The following FRS2 variants were observed in gnomAD, a reference collection of about 807,000 sequenced individuals.
FRS2 encodes fibroblast growth factor receptor substrate 2.
A neutral mutation model predicts 43.9 loss-of-function variants in FRS2; 8 were observed. The observed-to-expected ratio is 0.18, with a 90% confidence interval of 0.11 to 0.33. The LOEUF is 0.33. FRS2 is among the 10% of genes least tolerant of loss of function. The probability of loss-of-function intolerance (pLI) is 1.00; values close to 1 mark genes in which losing one functional copy is unlikely to be tolerated. For missense variants in FRS2, 534 were observed against 627.6 expected, an observed-to-expected ratio of 0.85 and a Z score of 1.59; for synonymous variants, 219 against 220.3, an observed-to-expected ratio of 0.99 and a Z score of 0.05.
intron 4 of FRS2, among the ~76,000 whole-genome samples, chr12:69,565,759 G>A (rs950891629): frequency 5.9e-5 from 9 of 152,090 alleles, no homozygotes; most frequent in African/African-American, 2.2e-4. Flanking sequence ...TGTCATCTAG[G>A]AAAACTGCAC....
intron 1 of FRS2, among the ~76,000 whole-genome samples, chr12:69,506,570 C>A (rs1159674654): frequency 6.6e-6 from 1 of 151,870 alleles, no homozygotes; most frequent in African/African-American, 2.4e-5. Flanking sequence ...TCCCTAATAT[C>A]CCTTATCTTT....
At chr12:69,535,896 C>T (rs1226270315) in intron 3 of FRS2, among the ~76,000 whole-genome samples, 1 of 151,840 alleles carries the variant, frequency 6.6e-6, no homozygotes, top group Non-Finnish European at 1.5e-5. Context: ...CTATTAAGTA[C>T]ATTAATAATA....
At chr12:69,536,133 TTTTTTTTTGG>T (rs1877274942) in intron 3 of FRS2, among the ~76,000 whole-genome samples, 1 of 42,038 alleles carries the variant, frequency 2.4e-5, no homozygotes. Context: ...TTTTTTTTTT[TTTTTTTTTGG>T]AGACGAAGTC....
intron 1 of FRS2, among the ~76,000 whole-genome samples, chr12:69,514,821 G>A (rs1335956774): frequency 1.9e-5 from 2 of 107,452 alleles, no homozygotes; most frequent in Admixed American, 9.2e-5. Flanking sequence ...AACAGAGTGG[G>A]ACTGTGTCTC....
intron 1 of FRS2, among the ~76,000 whole-genome samples, chr12:69,525,809 A>C (rs901150667): frequency 1.3e-5 from 2 of 151,568 alleles, no homozygotes; most frequent in African/African-American, 4.9e-5. Flanking sequence ...AATATTTAGA[A>C]GACTAGCATA....
At chr12:69,529,713 A>G (rs531154073) in intron 1 of FRS2, among the ~76,000 whole-genome samples, 2 of 152,304 alleles carry the variant, frequency 1.3e-5, no homozygotes, top group South Asian at 4.1e-4. Flanking sequence ...TAATCATTTC[A>G]GTAAATCCTT....
rs559078490 is a variant in FRS2 at position 69,565,956 on chromosome 12, A to T, written c.-26-3049A>T. On this transcript the variant is annotated intron_variant, in intron 4 of 8. Transcript: ENST00000549921. ...TACTATACATAATTGAATGTGCTAT[A>T]GTTTTATACACTGGCAGTGCAGTAG... Among the ~76,000 whole-genome samples, 5 of 150,744 alleles carry T rather than the reference A, an allele frequency of 3.3e-5. No homozygotes were observed. The East Asian group carries it at 9.7e-4, about 29-fold the overall frequency.
At chr12:69,554,992 A>C (rs1879213588) in intron 3 of FRS2, among the ~76,000 whole-genome samples, 1 of 151,586 alleles carries the variant, frequency 6.6e-6, no homozygotes, top group African/African-American at 2.4e-5. Context: ...TGTAGGTGTG[A>C]ACCACGTGCT....
intron 7 of FRS2, 89 bp from the exon 8 acceptor site, chr12:69,572,029 T>C: frequency 1.1e-6 from 1 of 925,088 alleles, no homozygotes; most frequent in Non-Finnish European, 1.7e-6. Context: ...AAAGACCTCC[T>C]ATAATCCTCA....
Position 69,549,836 on chromosome 12 carries a change from C to G in FRS2, c.-121-12344C>G, listed in dbSNP as rs1878720373. On this transcript the variant is annotated intron_variant, in intron 3 of 8. Transcript: ENST00000549921. Reference sequence around the variant, plus strand: ...TCCCATCTCACCTTGCCTCAGTCTTCCCCTAGGCTTCTGTGATACCACACT... The same window carrying G: ...TCCCATCTCACCTTGCCTCAGTCTTGCCCTAGGCTTCTGTGATACCACACT... Among the ~76,000 whole-genome samples, 8 of 152,346 alleles carry G rather than the reference C, an allele frequency of 5.3e-5. No individual in the cohort carries two copies. In the South Asian group the frequency reaches 1.7e-3, roughly 32 times the overall value.
intron 1 of FRS2, among the ~76,000 whole-genome samples, chr12:69,479,472 A>G (rs1592909042): frequency 6.9e-6 from 1 of 144,690 alleles, no homozygotes; most frequent in Non-Finnish European, 1.5e-5. Flanking sequence ...ATCTCAGCTC[A>G]CTGCAGCCTC....
intron 3 of FRS2, among the ~76,000 whole-genome samples, chr12:69,543,956 G>A (rs955280663): frequency 9.9e-5 from 15 of 152,054 alleles, no homozygotes; most frequent in African/African-American, 3.6e-4. Flanking sequence ...CAGAGGAATA[G>A]GGGGAGCCAT....
In FRS2 at chr12:69,546,289, G is replaced by A. The variant is rs144795511; in HGVS notation, c.-122+14233G>A. 1.1e-3 allele frequency among the ~76,000 whole-genome samples: 172 copies of A among 151,886 alleles called. 1 individual carries two copies. Among genetic ancestry groups the A allele is most frequent in the African/African-American group, 3.3e-3 (135 of 41,430 alleles). On this transcript the variant is annotated intron_variant, in intron 3 of 8. Coordinates refer to ENST00000549921, the MANE Select transcript of FRS2 (RefSeq NM_001278356.2). ...CTTTTTTTTTTGGAGACAGAGTCTC[G>A]CTGTATTGCTCAGGCTGGAGCGCAG... is the stretch of plus-strand genomic sequence containing the variant.
chr12:69,557,703 G>A (rs1272793024), intron 3 of FRS2: 1 of 151,542 alleles, frequency 6.6e-6, no homozygotes, highest in African/African-American at 2.4e-5. Context: ...CTAAGACAGA[G>A]TGACTCATCT....
intron 1 of FRS2, among the ~76,000 whole-genome samples, chr12:69,496,641 A>G (rs1440754626): frequency 6.6e-6 from 1 of 152,240 alleles, no homozygotes; most frequent in South Asian, 2.1e-4. Flanking sequence ...ATAATAGTGT[A>G]TAACAATTCT....
chr12:69,507,653 G>A lies in FRS2; in HGVS notation c.-260-23212G>A, dbSNP rs146670461. Among the ~76,000 whole-genome samples the A allele has an allele frequency of 2.5e-4, 38 of 152,244 alleles. No homozygotes were observed. The East Asian group carries it at 6.4e-3, about 26-fold the overall frequency. The stretch of plus-strand genomic sequence containing the variant: ...TAAGCATTTTCCTTTTCTGGATGAG[G>A]TTCTTGGTTTTGACTGTGTAGAAGT... On this transcript the variant is annotated intron_variant, in intron 1 of 8. Coordinates refer to ENST00000549921, the MANE Select transcript of FRS2 (RefSeq NM_001278356.2).
chr12:69,509,264 A>G (rs1200471821), intron 1 of FRS2, among the ~76,000 whole-genome samples: 1 of 152,164 alleles, frequency 6.6e-6, no homozygotes, highest in Non-Finnish European at 1.5e-5. Context: ...ATGCATCTCC[A>G]GACTCTTATC....
intron 1 of FRS2, among the ~76,000 whole-genome samples, chr12:69,530,221 A>C (rs1196773601): frequency 2.0e-5 from 3 of 152,186 alleles, no homozygotes; most frequent in Admixed American, 6.5e-5. Context: ...TATAATAAAT[A>C]AGCAATTTGT....
chr12:69,530,001 C>G (rs983952987), intron 1 of FRS2, among the ~76,000 whole-genome samples: 19 of 152,180 alleles, frequency 1.2e-4, no homozygotes, highest in African/African-American at 4.6e-4. Flanking sequence ...TTGCAGTGAG[C>G]TGCAGTCTTG....
Sources: allele counts gnomAD v4.1 joint callset (sites outside exome capture counted in the v4.1 genomes callset), GRCh38; gene constraint gnomAD v4.1.1; transcripts MANE v1.5; gene names NCBI Gene and HGNC (gene_info 2026-07-23, HGNC 2026-07-21).